CEP112: variants seen among roughly 807,000 people sequenced by gnomAD.
CEP112 encodes the protein centrosomal protein 112, also known as centrosomal protein of 112 kDa.
In CEP112, 127 loss-of-function variants were observed where a neutral mutation model predicts 153.0. The observed-to-expected ratio is 0.83, with a 90% CI of 0.72 to 0.96. The LOEUF (loss-of-function observed/expected upper bound fraction) is 0.96. Ranked by LOEUF, CEP112 falls within the 40% of genes least tolerant of loss-of-function variation. The pLI is 0.00. For missense variants in CEP112, 1,089 were observed against 1,101.2 expected (o/e 0.99, Z 0.16); for synonymous variants, 358 against 374.4 (o/e 0.96, Z 0.51).
chr17:65,936,888 A>G (rs62063081), intron 18 of CEP112, among the ~76,000 whole-genome samples: 70,025 of 142,732 alleles, frequency 0.49, 17,669 homozygotes, highest in East Asian at 0.89. Context: ...CTGTACTGCC[A>G]CCGTCTCGGC....
chr17:65,698,028 C>A (rs2048439873), intron 23 of CEP112, among the ~76,000 whole-genome samples: 1 of 151,724 alleles, frequency 6.6e-6, no homozygotes, highest in Non-Finnish European at 1.5e-5. Flanking sequence ...ATTTTTTGTT[C>A]AGGTTTTCAG....
chr17:66,098,006 C>T (rs1264765535), intron 6 of CEP112, among the ~76,000 whole-genome samples: 1 of 152,214 alleles, frequency 6.6e-6, no homozygotes, highest in Non-Finnish European at 1.5e-5. Context: ...CTAAAGGTTT[C>T]TCCATTCATG....
Position 65,913,608 on chromosome 17 carries a change from A to G in CEP112, c.1981-11274T>C, listed in dbSNP as rs962873481. The stretch of plus-strand genomic sequence containing the variant: ...AATCTGTCAATCAACAGTTCAGTTT[A>G]CGCATGGAAGTTCTCCTTATTTAAA... On this transcript the variant is annotated intron_variant, in intron 19 of 26. Coordinates refer to ENST00000535342, the MANE Select transcript of CEP112 (RefSeq NM_001199165.4). 7 of 985,434 alleles carry G rather than the reference A, an allele frequency of 7.1e-6. No individual in the cohort carries two copies. The African/African-American group carries it at 1.0e-4, about 15-fold the overall frequency. The allele number at this position is 985,434 out of a possible 1,614,324, so 61.0% of individuals were successfully genotyped here.
intron 2 of CEP112, chr17:66,181,954 C>T (rs1424691680): frequency 6.6e-6 from 1 of 152,150 alleles, no homozygotes; most frequent in African/African-American, 2.4e-5. Flanking sequence ...AAGGGAAGAC[C>T]ATGGCAACTT....
At chr17:66,028,255 C>T (rs962546088) in intron 15 of CEP112, 58 bp downstream of exon 15, 86 of 1,054,356 alleles carry the variant, frequency 8.2e-5, no homozygotes, top group Non-Finnish European at 1.2e-4. Flanking sequence ...AATGATACAT[C>T]TGAATCAAGA....
At chr17:65,912,800 A>G (rs1343552788) in intron 19 of CEP112, among the ~76,000 whole-genome samples, 1 of 152,216 alleles carries the variant, frequency 6.6e-6, no homozygotes, top group Non-Finnish European at 1.5e-5. Flanking sequence ...ATTGGCCATT[A>G]ATAGACAGAT....
chr17:65,870,085 AG>A (rs2058619994), intron 20 of CEP112, among the ~76,000 whole-genome samples: 1 of 146,984 alleles, frequency 6.8e-6, no homozygotes, highest in Non-Finnish European at 1.5e-5. Flanking sequence ...AAGAAAGAAA[AG>A]AAAGAAAGAG....
At position 66,095,054 on chromosome 17, in the gene CEP112, T is replaced by C. The variant is rs557487801; in HGVS notation, c.768+1197A>G. Among the ~76,000 whole-genome samples the C allele has an allele frequency of 3.2e-4, 49 of 152,294 alleles. 1 individual carries two copies. The South Asian group carries it at 7.7e-3, about 24-fold the overall frequency. Reference sequence around the variant, plus strand: ...CCCTTGCCCAGTGTTGGCAGTAATGTAGATTAGTGCAGCCATTATAGAAAA... The same window carrying C: ...CCCTTGCCCAGTGTTGGCAGTAATGCAGATTAGTGCAGCCATTATAGAAAA... On this transcript the variant is annotated intron_variant, in intron 8 of 26. Coordinates refer to ENST00000535342, the MANE Select transcript of CEP112 (RefSeq NM_001199165.4).
At chr17:65,988,127 T>C (rs1052205010) in intron 17 of CEP112, among the ~76,000 whole-genome samples, 1 of 152,104 alleles carries the variant, frequency 6.6e-6, no homozygotes, top group Non-Finnish European at 1.5e-5. Context: ...GGATATCCCA[T>C]TTAGGACTTT....
intron 22 of CEP112, among the ~76,000 whole-genome samples, chr17:65,746,090 G>T (rs372066522): frequency 6.7e-6 from 1 of 149,590 alleles, no homozygotes; most frequent in Admixed American, 6.7e-5. Context: ...ACTTGAACCC[G>T]GGAGGCGGAG....
At position 65,971,894 on chromosome 17, in the gene CEP112, A is replaced by C. The variant is rs183646302; in HGVS notation, c.1737-10296T>G. ...AGGAAACAAATGCTGAAAATAAAAG[A>C]AGCAAAGACTTATTGAAATGCAGGG... On this transcript the variant is annotated intron_variant, in intron 17 of 26. Coordinates refer to ENST00000535342, the MANE Select transcript of CEP112 (RefSeq NM_001199165.4). Among the ~76,000 whole-genome samples, 4 of 152,334 alleles carry C rather than the reference A, an allele frequency of 2.6e-5. No individual in the cohort carries two copies. In the East Asian group the frequency reaches 7.7e-4, roughly 29 times the overall value.
At chr17:65,699,363 C>T (rs572074906) in intron 23 of CEP112, among the ~76,000 whole-genome samples, 1 of 151,674 alleles carries the variant, frequency 6.6e-6, no homozygotes, top group African/African-American at 2.4e-5. Flanking sequence ...ATTTTTTTTT[C>T]CCCCTTAAGC....
At chr17:66,175,842 A>G (rs1457417967) in intron 3 of CEP112, among the ~76,000 whole-genome samples, 1 of 152,236 alleles carries the variant, frequency 6.6e-6, no homozygotes, top group East Asian at 1.9e-4. Flanking sequence ...ATATCTTCAC[A>G]TCTAGATGTG....
intron 4 of CEP112, among the ~76,000 whole-genome samples, chr17:66,137,931 T>C (rs933604525): frequency 2.0e-5 from 3 of 152,180 alleles, no homozygotes; most frequent in East Asian, 1.9e-4. Context: ...ATTGATATAA[T>C]AGTGGTGCAT....
At chr17:66,123,677 T>G (rs966706472) in intron 6 of CEP112, among the ~76,000 whole-genome samples, 2 of 152,232 alleles carry the variant, frequency 1.3e-5, no homozygotes, top group Non-Finnish European at 2.9e-5. Context: ...AAGTATTTCA[T>G]GCTGTAAATT....
chr17:65,885,673 A>AT (rs770863841), intron 20 of CEP112, among the ~76,000 whole-genome samples: 6 of 152,220 alleles, frequency 3.9e-5, no homozygotes, highest in Non-Finnish European at 8.8e-5. Context: ...CTGCTGTTTT[A>AT]ATTAGCTGGT....
At chr17:66,092,356 A>AATACACAC (rs2068172852) in intron 8 of CEP112, among the ~76,000 whole-genome samples, 1 of 135,064 alleles carries the variant, frequency 7.4e-6, no homozygotes, top group Non-Finnish European at 1.6e-5. Flanking sequence ...CATTAATTTA[A>AATACACAC]ACACACACAC....
chr17:65,756,502 A>G (rs535408025), intron 21 of CEP112, among the ~76,000 whole-genome samples: 1 of 152,162 alleles, frequency 6.6e-6, no homozygotes, highest in East Asian at 1.9e-4. Context: ...CAGTTGTGTC[A>G]AATGCTACAG....
At position 65,822,860 on chromosome 17, in the gene CEP112, A is replaced by T. The variant is rs544543693; in HGVS notation, c.2394+28944T>A. Among the ~76,000 whole-genome samples the T allele has an allele frequency of 1.2e-4, 18 of 152,296 alleles. No homozygotes were observed. In the South Asian group the frequency reaches 3.1e-3, roughly 26 times the overall value. Reference sequence around the variant, plus strand: ...AGAAAAATTCCAAGGAATCTACCAAAAATAGTGACTAGAATTAATAAATGA... The same window carrying T: ...AGAAAAATTCCAAGGAATCTACCAATAATAGTGACTAGAATTAATAAATGA... On this transcript the variant is annotated intron_variant, in intron 21 of 26. Transcript: ENST00000535342.
Sources: gnomAD v4.1 joint callset for allele counts (sites outside exome capture counted in the v4.1 genomes callset) on GRCh38, gnomAD v4.1.1 for gene constraint, MANE v1.5 for transcripts, NCBI Gene and HGNC (gene_info 2026-07-23, HGNC 2026-07-21) for gene names.